The following SH3RF3 variants were observed in gnomAD, a reference collection of about 807,000 sequenced individuals.
The protein encoded by SH3RF3 is E3 ubiquitin-protein ligase SH3RF3.
A neutral mutation model predicts 66.3 loss-of-function variants in SH3RF3; 29 were observed. The ratio of observed to expected loss-of-function variants is 0.44; its 90% CI spans 0.33 to 0.60. SH3RF3 has a LOEUF of 0.60. Ranked by LOEUF, SH3RF3 falls within the 20% of genes least tolerant of loss-of-function variation. The pLI is 0.04. For synonymous variants in SH3RF3, 583 were observed against 532.0 expected, an observed-to-expected ratio of 1.10 and a Z score of -1.32; for missense variants, 1,194 against 1,190.9, an observed-to-expected ratio of 1.00 and a Z score of -0.04.
chr2:109,326,149 T>G (rs758224628), intron 1 of SH3RF3, among the ~76,000 whole-genome samples: 7 of 152,264 alleles, frequency 4.6e-5, no homozygotes, highest in Non-Finnish European at 1.0e-4. Context: ...TTTGATTTTA[T>G]CTATCTGTTC....
rs561693792 is a variant in SH3RF3, at chr2:109,143,466, G to A, written c.573+13353G>A. ...ATGATAAAGAAAGTGCAGTGGGCTGGGTGCAGTGGCTCATGCCTGTAATCT... is the reference window on the plus strand; with the variant it reads ...ATGATAAAGAAAGTGCAGTGGGCTGAGTGCAGTGGCTCATGCCTGTAATCT... On this transcript the variant is annotated intron_variant, in intron 1 of 9. Transcript: ENST00000309415. Among the ~76,000 whole-genome samples the A allele has an allele frequency of 4.6e-5, 7 of 152,262 alleles. No homozygotes were observed. The Middle Eastern group carries it at 0.017, about 370-fold the overall frequency.
chr2:109,466,873 GTT>G (rs1268745579), intron 8 of SH3RF3, among the ~76,000 whole-genome samples: 3 of 152,022 alleles, frequency 2.0e-5, no homozygotes, highest in African/African-American at 7.2e-5. Context: ...GTGTGTATAT[GTT>G]TGTGTGTATA....
chr2:109,145,747 G>A (rs1016246332), intron 1 of SH3RF3, among the ~76,000 whole-genome samples: 2 of 152,222 alleles, frequency 1.3e-5, no homozygotes, highest in African/African-American at 2.4e-5. Context: ...CTCCCCACCC[G>A]TGTGAAAGGG....
At chr2:109,488,882 G>A (rs1679051153) in intron 8 of SH3RF3, among the ~76,000 whole-genome samples, 1 of 152,188 alleles carries the variant, frequency 6.6e-6, no homozygotes, top group Non-Finnish European at 1.5e-5. Flanking sequence ...GAGATAGGCC[G>A]GGAGGCTGCA....
At chr2:109,236,704 A>G (rs927454461) in intron 1 of SH3RF3, among the ~76,000 whole-genome samples, 19 of 152,320 alleles carry the variant, frequency 1.2e-4, no homozygotes, top group Non-Finnish European at 2.4e-4. Flanking sequence ...CCCAGGTGAC[A>G]CTGCCCCTTA....
At chr2:109,318,083 C>T (rs751843494) in intron 1 of SH3RF3, among the ~76,000 whole-genome samples, 5 of 142,692 alleles carry the variant, frequency 3.5e-5, no homozygotes, top group South Asian at 2.2e-4. Flanking sequence ...GCCATGAGCA[C>T]GCTGAATTTC....
intron 1 of SH3RF3, among the ~76,000 whole-genome samples, chr2:109,279,565 C>G (rs1209197867): frequency 2.0e-5 from 3 of 152,210 alleles, no homozygotes; most frequent in Non-Finnish European, 4.4e-5. Flanking sequence ...ATGAGGAGCA[C>G]TTGCAGTTGC....
At chr2:109,475,612 C>T (rs140344172) in intron 8 of SH3RF3, among the ~76,000 whole-genome samples, 2 of 152,320 alleles carry the variant, frequency 1.3e-5, no homozygotes, top group African/African-American at 4.8e-5. Flanking sequence ...ACTATCAGAG[C>T]CAGATAATCC....
rs1358379301 is a variant in SH3RF3 at position 109,251,993 on chromosome 2, A to C, written c.574-95681A>C. Among the ~76,000 whole-genome samples, 3 of 152,204 alleles carry C rather than the reference A, an allele frequency of 2.0e-5. No homozygotes were observed. The East Asian group carries it at 5.8e-4, about 29-fold the overall frequency. On this transcript the variant is annotated intron_variant, in intron 1 of 9. Coordinates refer to ENST00000309415, the MANE Select transcript of SH3RF3 (RefSeq NM_001099289.3). ...CACAATGGCTCACGACTATAATCCC[A>C]CCACTTTGGGAGGCCAAGGTAGGAG...
rs184622489 is a variant in SH3RF3 at position 109,449,458 on chromosome 2, G to T, written c.2117G>T (p.Gly706Val). 4.7e-4 allele frequency: 765 copies of T among 1,614,004 alleles called. 3 individuals are homozygous for T. In the African/African-American group the frequency reaches 8.6e-3, roughly 18 times the overall value. ...TCCACATCCAGCCCCACCAACACGGGATGCAAACTAGACGAGAAGAAAAGT... is the reference window on the plus strand; with the variant it reads ...TCCACATCCAGCCCCACCAACACGGTATGCAAACTAGACGAGAAGAAAAGT... ...VLSTSSPTNTGCKLDEKKSEK... is the reference protein window; with the variant it reads ...VLSTSSPTNTVCKLDEKKSEK... The change falls in exon 8 of 10, where the codon GGA becomes GTA. Residue 706 changes from glycine to valine, a missense_variant. Transcript: ENST00000309415.
chr2:109,131,011 TA>T (rs546070513), intron 1 of SH3RF3, among the ~76,000 whole-genome samples: 48 of 152,054 alleles, frequency 3.2e-4, no homozygotes, highest in African/African-American at 1.1e-3. Flanking sequence ...ACTTAAATGT[TA>T]AAAAAAATAC....
chr2:109,251,287 G>A (rs780584519), intron 1 of SH3RF3: 35 of 376,718 alleles, frequency 9.3e-5, no homozygotes, highest in Admixed American at 2.3e-4. Context: ...AATTACAGGC[G>A]TGAGCCACCA....
At chr2:109,470,985 C>T (rs1678487758) in intron 8 of SH3RF3, among the ~76,000 whole-genome samples, 2 of 152,090 alleles carry the variant, frequency 1.3e-5, no homozygotes, top group South Asian at 2.1e-4. Context: ...TTTGAGAGGC[C>T]GAGGAGGGCA....
intron 4 of SH3RF3, among the ~76,000 whole-genome samples, chr2:109,409,896 C>G (rs1230255144): frequency 2.0e-5 from 3 of 152,018 alleles, no homozygotes; most frequent in East Asian, 3.9e-4. Context: ...TTTCACTGCT[C>G]CTTGGGGTGA....
intron 1 of SH3RF3, among the ~76,000 whole-genome samples, chr2:109,177,435 G>A (rs777691638): frequency 2.0e-5 from 3 of 152,112 alleles, no homozygotes; most frequent in Non-Finnish European, 2.9e-5. Flanking sequence ...TTTAGACTTG[G>A]GGCCTGTGAT....
Position 109,330,800 on chromosome 2 carries a change from C to T in SH3RF3, c.574-16874C>T, listed in dbSNP as rs578220048. Among the ~76,000 whole-genome samples, 305 of 152,274 alleles carry T rather than the reference C, an allele frequency of 2.0e-3. 2 individuals are homozygous for T. Among genetic ancestry groups the T allele is most frequent in the Admixed American group, 5.1e-3 (78 of 15,304 alleles). On this transcript the variant is annotated intron_variant, in intron 1 of 9. Coordinates refer to ENST00000309415, the MANE Select transcript of SH3RF3 (RefSeq NM_001099289.3). ...CACAACTGGACACCATCATTCCCCA[C>T]ACACTCCTAAAGAGGTGTGTGTCTT...
chr2:109,303,979 T>C (rs1319215922), intron 1 of SH3RF3, among the ~76,000 whole-genome samples: 1 of 152,092 alleles, frequency 6.6e-6, no homozygotes, highest in Non-Finnish European at 1.5e-5. Context: ...CACTTGCCTA[T>C]AATCTCAGCT....
rs1678607252 is a variant in SH3RF3 at position 109,199,612 on chromosome 2, TGGAA to T, written c.573+69500_573+69503del. 6.0e-3 allele frequency among the ~76,000 whole-genome samples: 2 copies of T among 336 alleles called. 1 individual carries two copies. The highest frequency in any genetic ancestry group is 0.018 in the African/African-American group (2 of 114). The allele number at this position is 336 out of a possible 152,430, so 0.2% of individuals were successfully genotyped here. ...TGGAATGGAATGGAATGGAATGGAA[TGGAA>T]TGGAATGGAATGGAATGGAATGGAA... is the stretch of plus-strand genomic sequence containing the variant. On this transcript the variant is annotated intron_variant, in intron 1 of 9. Transcript: ENST00000309415.
At chr2:109,286,685 A>G (rs1681036927) in intron 1 of SH3RF3, among the ~76,000 whole-genome samples, 1 of 152,194 alleles carries the variant, frequency 6.6e-6, no homozygotes, top group Admixed American at 6.5e-5. Flanking sequence ...GGCATAGCTC[A>G]TCTGCTAGCA....
Sources: allele counts gnomAD v4.1 joint callset (sites outside exome capture counted in the v4.1 genomes callset), GRCh38; gene constraint gnomAD v4.1.1; transcripts MANE v1.5; gene names NCBI Gene and HGNC (gene_info 2026-07-23, HGNC 2026-07-21).